Variants in EARS2 observed in about 807,000 individuals in gnomAD.
The protein encoded by EARS2 is nondiscriminating glutamyl-tRNA synthetase EARS2, mitochondrial.
EARS2 carries 50 observed loss-of-function variants against 54.1 expected under a neutral mutation model. That is an observed-to-expected ratio of 0.92 (90% CI 0.74 to 1.17). The LOEUF (loss-of-function observed/expected upper bound fraction) is 1.17. Among genes scored for constraint, EARS2 ranks in the 50% most tolerant of loss-of-function variants. The pLI is 0.00. For missense variants in EARS2, 673 were observed against 675.0 expected, an observed-to-expected ratio of 1.00 and a Z score of 0.03; for synonymous variants, 298 against 281.0, an observed-to-expected ratio of 1.06 and a Z score of -0.61.
rs1302313803 is a variant in EARS2, at chr16:23,552,317, A to T, written c.140-13T>A. On this transcript the variant is annotated splice_polypyrimidine_tract_variant and intron_variant, in intron 1 of 8. Coordinates refer to ENST00000449606, the MANE Select transcript of EARS2 (RefSeq NM_001083614.2). ...AGGTGCAAGAAGCCTGGAGAAGAGA[A>T]CAGCTCAGATAAGACAGGGAAGATA... 6.2e-7 allele frequency: 1 copy of T among 1,613,570 alleles called. No homozygotes were observed. The highest frequency in any genetic ancestry group is 1.7e-5 in the Admixed American group (1 of 59,994).
intron 3 of EARS2, among the ~76,000 whole-genome samples, chr16:23,542,067 A>T (rs1461606030): frequency 6.6e-6 from 1 of 152,060 alleles, no homozygotes; most frequent in Non-Finnish European, 1.5e-5. Context: ...CATATTGGCC[A>T]GGCTGGTCTT....
intron 1 of EARS2, among the ~76,000 whole-genome samples, chr16:23,553,983 T>C (rs759105003): frequency 2.6e-5 from 4 of 152,146 alleles, no homozygotes; most frequent in African/African-American, 7.2e-5. Flanking sequence ...TTTCATCTAC[T>C]TGAGATTTTT....
At chr16:23,549,058 C>G (rs1266440609) in intron 2 of EARS2, among the ~76,000 whole-genome samples, 1 of 152,148 alleles carries the variant, frequency 6.6e-6, no homozygotes, top group Non-Finnish European at 1.5e-5. Flanking sequence ...GGACAAGAAC[C>G]CAAAACTCGC....
In EARS2 at chr16:23,534,928, G is replaced by C. The variant is rs1965387581; in HGVS notation, c.918C>G (p.Ser306=). The C allele has an allele frequency of 1.3e-6, 2 of 1,597,946 alleles. No individual in the cohort carries two copies. The highest frequency in any genetic ancestry group is 4.5e-5 in the East Asian group (2 of 44,626). The change falls in exon 4 of 9, where the codon TCC becomes TCG. Residue 306 remains serine (S), a synonymous_variant. Coordinates refer to ENST00000449606, the MANE Select transcript of EARS2 (RefSeq NM_001083614.2). The part of the protein sequence containing the change: ...HFAADGFLPD[S]LLDIITNCGS... ...CACAGTTGGTGATGATGTCCAACAA[G>C]GAATCGGGCAGGAAGCCATCAGCAG...
rs377250026 is a variant in EARS2, at chr16:23,532,720, T to C, written c.1004A>G (p.Asn335Ser). Residue 335 changes from asparagine (N) to serine (S), a missense_variant, in exon 5 of 9, where the codon AAC becomes AGC. This residue lies in a region of EARS2 where 338 missense variants were observed against 361.2 expected (regional missense o/e 0.94). Transcript: ENST00000449606. ...RTLPELITQF[N>S]LTQVTCHSAL... ...TGAGTGACAGGTGACCTGTGTCAGG[T>C]TGAACTGTGTGATCAGCTCCGGCAG... 87 of 1,614,028 alleles carry C rather than the reference T, an allele frequency of 5.4e-5. No individual in the cohort carries two copies. The highest frequency in any genetic ancestry group is 1.8e-4 in the Admixed American group (11 of 59,998).
chr16:23,548,684 G>A (rs944665927), intron 2 of EARS2, among the ~76,000 whole-genome samples: 1 of 152,128 alleles, frequency 6.6e-6, no homozygotes, highest in African/African-American at 2.4e-5. Flanking sequence ...GGCAGTCAGG[G>A]ACAGGTCCCT....
Position 23,535,072 on chromosome 16 carries a change from C to T in EARS2, c.774G>A (p.Leu258=). The T allele has an allele frequency of 6.2e-7, 1 of 1,604,610 alleles. No individual in the cohort carries two copies. Among genetic ancestry groups the T allele is most frequent in the Non-Finnish European group, 8.5e-7 (1 of 1,176,374 alleles). ...GCCAGCCCAGGGCCTGGTAGAGGAG[C>T]AGGTGCTTGGCAGTGGAGACGAGCC... ...SEWLVSTAKH[L]LLYQALGWQP... The change falls in exon 4 of 9, where the codon CTG becomes CTA. Residue 258 remains leucine, a synonymous_variant. Transcript: ENST00000449606.
intron 3 of EARS2, among the ~76,000 whole-genome samples, chr16:23,538,685 C>A: frequency 6.6e-6 from 1 of 151,882 alleles, no homozygotes; most frequent in African/African-American, 2.4e-5. Flanking sequence ...GACCTTGTCT[C>A]TACTAGAAAT....
rs1054335860 is a variant in EARS2, at chr16:23,552,257, A to C, written c.187T>G (p.Phe63Val). Reference sequence around the variant, plus strand: ...AAGCTCCCCTGGTACTTCTTAGCAAAGATGTAGTTGTACAAGGCAGTGCGG... The same window carrying C: ...AAGCTCCCCTGGTACTTCTTAGCAACGATGTAGTTGTACAAGGCAGTGCGG... ...GLRTALYNYIFAKKYQGSFIL... is the reference protein window; with the variant it reads ...GLRTALYNYIVAKKYQGSFIL... The change falls in exon 2 of 9, where the codon TTT becomes GTT. Residue 63 changes from phenylalanine to valine, a missense_variant. Physicochemically the swap from Phe to Val is conservative, Grantham distance 50 (BLOSUM62 -1). This residue lies in a region of EARS2 where 316 missense variants were observed against 275.2 expected (regional missense o/e 1.15). Coordinates refer to ENST00000449606, the MANE Select transcript of EARS2 (RefSeq NM_001083614.2). The C allele has an allele frequency of 1.2e-6, 2 of 1,614,200 alleles. No individual in the cohort carries two copies. Among genetic ancestry groups the C allele is most frequent in the Non-Finnish European group, 8.5e-7 (1 of 1,180,024 alleles).
At chr16:23,532,608 A>C (rs191218243) in intron 5 of EARS2, 49 bp downstream of exon 5, 2 of 1,411,724 alleles carry the variant, frequency 1.4e-6, no homozygotes, top group African/African-American at 1.4e-5. Context: ...GGATCATCAT[A>C]AGCAAGAAAG....
chr16:23,551,558 G>C (rs1965695482), intron 2 of EARS2, among the ~76,000 whole-genome samples: 1 of 152,086 alleles, frequency 6.6e-6, no homozygotes, highest in African/African-American at 2.4e-5. Context: ...GCTACAGTAA[G>C]TTATGATTGT....
At position 23,523,547 on chromosome 16, in the gene EARS2, C is replaced by T. The variant is rs566896041; in HGVS notation, c.*824G>A. ...GAGTCACACTTCTCCTTTTACAACC[C>T]CAAAGAAAGTCTGGTGTCCAGTTCA... On this transcript the variant is annotated 3_prime_UTR_variant, in exon 9 of 9. Coordinates refer to ENST00000449606, the MANE Select transcript of EARS2 (RefSeq NM_001083614.2). 1 of 152,384 alleles carries T rather than the reference C, an allele frequency of 6.6e-6. No homozygotes were observed. Among genetic ancestry groups the T allele is most frequent in the South Asian group, 2.1e-4 (1 of 4,826 alleles). 9.4% of individuals were successfully genotyped at this position (152,384 alleles called of 1,614,324 possible).
chr16:23,552,805 T>C (rs1194504453), intron 1 of EARS2, among the ~76,000 whole-genome samples: 1 of 152,182 alleles, frequency 6.6e-6, no homozygotes, highest in Admixed American at 6.5e-5. Context: ...TTTGTATTTT[T>C]AGTAAAGATA....
intron 3 of EARS2, among the ~76,000 whole-genome samples, chr16:23,535,729 C>G (rs1195784088): frequency 6.6e-6 from 1 of 152,184 alleles, no homozygotes; most frequent in African/African-American, 2.4e-5. Context: ...CAAAGAAAAG[C>G]ATGCCTGGGG....
chr16:23,527,774 T>G (rs922387033), intron 7 of EARS2, among the ~76,000 whole-genome samples: 1 of 152,068 alleles, frequency 6.6e-6, no homozygotes, highest in Non-Finnish European at 1.5e-5. Context: ...AGGATGGTCT[T>G]GATCTCCTGA....
At chr16:23,539,802 T>G (rs1029650947) in intron 3 of EARS2, among the ~76,000 whole-genome samples, 1 of 151,734 alleles carries the variant, frequency 6.6e-6, no homozygotes, top group African/African-American at 2.4e-5. Flanking sequence ...CGCTTGAGTT[T>G]CATACCAGCC....
intron 7 of EARS2, among the ~76,000 whole-genome samples, chr16:23,527,134 A>G (rs1965242235): frequency 6.6e-6 from 1 of 151,706 alleles, no homozygotes; most frequent in African/African-American, 2.4e-5. Flanking sequence ...GGCTAATTTT[A>G]TTTTTACCTT....
intron 7 of EARS2, among the ~76,000 whole-genome samples, chr16:23,527,922 A>G (rs1407957810): frequency 6.6e-6 from 1 of 152,188 alleles, no homozygotes; most frequent in Admixed American, 6.5e-5. Context: ...TCATATGTTG[A>G]AATTTTAACC....
Position 23,543,730 on chromosome 16 carries a change from CAAAA to C in EARS2, c.485+780_485+783del, listed in dbSNP as rs565590236. 8.5e-5 allele frequency among the ~76,000 whole-genome samples: 5 copies of C among 58,838 alleles called. No homozygotes were observed. In the South Asian group the frequency reaches 2.3e-3, roughly 27 times the overall value. The allele number at this position is 58,838 out of a possible 152,430, so 38.6% of individuals were successfully genotyped here. ...CCTGGGCGACAGAGTGAGACTGTCT[CAAAA>C]AAAAAAAAAAAAAGCCACAACTGAT... On this transcript the variant is annotated intron_variant, in intron 3 of 8. Coordinates refer to ENST00000449606, the MANE Select transcript of EARS2 (RefSeq NM_001083614.2).
Sources: gnomAD v4.1 joint callset for allele counts (sites outside exome capture counted in the v4.1 genomes callset) on GRCh38, gnomAD v4.1.1 for gene constraint, gnomAD v4.1.1 regional missense constraint, MANE v1.5 for transcripts, NCBI Gene and HGNC (gene_info 2026-07-23, HGNC 2026-07-21) for gene names.